Variants in RBM28 observed in about 807,000 individuals in gnomAD.
RBM28 encodes RNA-binding protein 28.
Under a neutral mutation model 98.3 loss-of-function variants are expected in RBM28, and 78 were observed. That is an observed-to-expected ratio of 0.79 (90% CI 0.66 to 0.96). The LOEUF is 0.96. Among genes scored for constraint, RBM28 ranks in the 40% least tolerant of loss-of-function variants. RBM28 has a pLI of 0.00. For missense variants in RBM28, 838 were observed against 913.0 expected (o/e 0.92, Z 1.06); for synonymous variants, 306 against 330.9 (o/e 0.92, Z 0.82).
chr7:128,327,701 T>C (rs533126313), intron 10 of RBM28, among the ~76,000 whole-genome samples: 3 of 152,238 alleles, frequency 2.0e-5, no homozygotes, highest in East Asian at 3.9e-4. Context: ...GGTTTCTCCA[T>C]GTTGGTCAAG....
intron 14 of RBM28, among the ~76,000 whole-genome samples, chr7:128,319,585 G>C (rs183000213): frequency 6.6e-6 from 1 of 152,178 alleles, no homozygotes; most frequent in African/African-American, 2.4e-5. Context: ...TTATGGTAGC[G>C]AAACAGAGTA....
At chr7:128,318,254 A>G in intron 14 of RBM28, 148 bp from the exon 15 acceptor site, 1 of 837,942 alleles carries the variant, frequency 1.2e-6, no homozygotes, top group South Asian at 1.5e-5. Flanking sequence ...GGAGGCCGAG[A>G]CAGGAGGATT....
rs181897325 is a variant in RBM28 at position 128,325,441 on chromosome 7, T to A, written c.1203+377A>T. On this transcript the variant is annotated intron_variant, in intron 11 of 18. Transcript: ENST00000223073. ...GACTATAGAACAAATGGAGTAATTCTCCATCACCCACACACATTCTCTCTC... is the reference window on the plus strand; with the variant it reads ...GACTATAGAACAAATGGAGTAATTCACCATCACCCACACACATTCTCTCTC... Among the ~76,000 whole-genome samples the A allele has an allele frequency of 2.8e-3, 431 of 152,324 alleles. 2 individuals are homozygous for A. Among genetic ancestry groups the A allele is most frequent in the African/African-American group, 9.6e-3 (399 of 41,562 alleles).
At chr7:128,340,034 T>G (rs1017646478) in intron 1 of RBM28, among the ~76,000 whole-genome samples, 2 of 152,190 alleles carry the variant, frequency 1.3e-5, no homozygotes, top group African/African-American at 4.8e-5. Flanking sequence ...GTGTCTTTGC[T>G]GTTAGCTCCC....
intron 17 of RBM28, among the ~76,000 whole-genome samples, chr7:128,314,072 C>T (rs1796050732): frequency 6.6e-6 from 1 of 152,192 alleles, no homozygotes; most frequent in South Asian, 2.1e-4. Flanking sequence ...ACGCCATTCT[C>T]CTGCCTCAGC....
chr7:128,314,713 C>T, intron 17 of RBM28, 51 bp downstream of exon 17: 3 of 1,613,618 alleles, frequency 1.9e-6, no homozygotes, highest in Non-Finnish European at 2.5e-6. Flanking sequence ...CAAAAACAAA[C>T]CCGCTTAGAA....
intron 6 of RBM28, among the ~76,000 whole-genome samples, chr7:128,336,767 T>A (rs2116385132): frequency 6.6e-6 from 1 of 152,328 alleles, no homozygotes; most frequent in South Asian, 2.1e-4. Flanking sequence ...TTACACTTTT[T>A]TTTTGAGACG....
At chr7:128,339,088 T>C in intron 3 of RBM28, 139 bp downstream of exon 3, 2 of 865,484 alleles carry the variant, frequency 2.3e-6, no homozygotes, top group East Asian at 2.4e-5. Flanking sequence ...GCCCACTTTC[T>C]GAATTCAACA....
At chr7:128,317,821 C>T in intron 15 of RBM28, 88 bp from the exon 16 acceptor site, 3 of 1,507,314 alleles carry the variant, frequency 2.0e-6, no homozygotes, top group South Asian at 1.1e-5. Context: ...ACATCCTCCC[C>T]CAACCCACCT....
rs1454641528 is a variant in RBM28 at position 128,305,923 on chromosome 7, T to G, written c.*4874A>C. On this transcript the variant is annotated 3_prime_UTR_variant, in exon 19 of 19. Coordinates refer to ENST00000223073, the MANE Select transcript of RBM28 (RefSeq NM_018077.3). The stretch of plus-strand genomic sequence containing the variant: ...AGAAAATACATAAAACAAGGACAGG[T>G]TGTTCGGCATCTCTTCAGGAGATGA... 6.6e-6 allele frequency: 1 copy of G among 152,256 alleles called. No homozygotes were observed. Among genetic ancestry groups the G allele is most frequent in the South Asian group, 2.1e-4 (1 of 4,826 alleles). 9.4% of individuals were successfully genotyped at this position (152,256 alleles called of 1,614,324 possible).
chr7:128,329,794 C>G (rs1189235156), intron 10 of RBM28, among the ~76,000 whole-genome samples: 1 of 144,358 alleles, frequency 6.9e-6, no homozygotes, highest in Non-Finnish European at 1.5e-5. Flanking sequence ...GAGGCTGAGG[C>G]AGGAGAATGG....
chr7:128,339,173 T>C, intron 3 of RBM28, 54 bp downstream of exon 3: 1 of 1,414,634 alleles, frequency 7.1e-7, no homozygotes. Flanking sequence ...AATGATCACA[T>C]CTTGGCTCTA....
chr7:128,325,757 T>C (rs926974632), intron 11 of RBM28, 61 bp downstream of exon 11: 1 of 1,103,232 alleles, frequency 9.1e-7, no homozygotes, highest in Admixed American at 1.7e-5. Flanking sequence ...AAATACCAGA[T>C]GTTGCCCCTA....
chr7:128,331,187 G>A (rs563812323), intron 9 of RBM28, among the ~76,000 whole-genome samples: 11 of 152,110 alleles, frequency 7.2e-5, no homozygotes, highest in South Asian at 2.1e-4. Flanking sequence ...TCTAAACAGC[G>A]GTGCCCCCCA....
At chr7:128,335,516 A>C (rs1048706103) in intron 8 of RBM28, 27 bp downstream of exon 8, 1 of 1,614,056 alleles carries the variant, frequency 6.2e-7, no homozygotes, top group Non-Finnish European at 8.5e-7. Context: ...TTAAAGTCTA[A>C]AGACATTTAT....
At chr7:128,343,524 C>T (rs1262361108) in intron 1 of RBM28, 152 bp downstream of exon 1, 1 of 555,664 alleles carries the variant, frequency 1.8e-6, no homozygotes, top group African/African-American at 1.9e-5. Flanking sequence ...CTCCTATGAA[C>T]GCATCTAAAG....
At position 128,330,814 on chromosome 7, in the gene RBM28, C is replaced by T. The variant is rs1206686290; in HGVS notation, c.1129+5G>A. On this transcript the variant is annotated splice_donor_5th_base_variant and intron_variant, in intron 10 of 18. Coordinates refer to ENST00000223073, the MANE Select transcript of RBM28 (RefSeq NM_018077.3). ...TTTAGGGCCTGGCCAGCTGACAACACATACCTTTAGAATGCTCTGTGTCTG... is the reference window on the plus strand; with the variant it reads ...TTTAGGGCCTGGCCAGCTGACAACATATACCTTTAGAATGCTCTGTGTCTG... 5.6e-6 allele frequency: 9 copies of T among 1,609,910 alleles called. No homozygotes were observed. Among genetic ancestry groups the T allele is most frequent in the African/African-American group, 4.0e-5 (3 of 74,850 alleles).
chr7:128,322,510 G>A (rs1460500239), intron 13 of RBM28, among the ~76,000 whole-genome samples: 5 of 152,086 alleles, frequency 3.3e-5, no homozygotes, highest in East Asian at 1.9e-4. Flanking sequence ...CTTGGAAAAC[G>A]ACTATTAAAG....
chr7:128,330,687 T>C (rs897421969), intron 10 of RBM28, 132 bp downstream of exon 10: 2 of 753,256 alleles, frequency 2.7e-6, no homozygotes, highest in South Asian at 1.4e-5. Flanking sequence ...GGTACTTTTA[T>C]AGAACCCAGA....
Sources: gnomAD v4.1 joint callset for allele counts (sites outside exome capture counted in the v4.1 genomes callset) on GRCh38, gnomAD v4.1.1 for gene constraint, MANE v1.5 for transcripts, NCBI Gene and HGNC (gene_info 2026-07-23, HGNC 2026-07-21) for gene names.